WDR89: variants seen among roughly 807,000 people sequenced by gnomAD.
The protein encoded by WDR89 is WD repeat-containing protein 89.
Under a neutral mutation model 29.1 loss-of-function variants are expected in WDR89, and 17 were observed. The ratio of observed to expected loss-of-function variants is 0.58; its 90% CI spans 0.40 to 0.88. The LOEUF (loss-of-function observed/expected upper bound fraction) is 0.88. Among genes scored for constraint, WDR89 ranks in the 40% least tolerant of loss-of-function variants. The pLI, the probability that WDR89 is intolerant of heterozygous loss-of-function variation, is 0.00. For missense variants in WDR89, 396 were observed against 456.3 expected (o/e 0.87, Z 1.20); for synonymous variants, 138 against 157.8 (o/e 0.87, Z 0.94).
chr14:63,604,049 G>T (rs1173360937), intron 2 of WDR89, among the ~76,000 whole-genome samples: 3 of 152,190 alleles, frequency 2.0e-5, no homozygotes, highest in Non-Finnish European at 4.4e-5. Context: ...CCTGCCCAGA[G>T]AGAGTCTCTC....
At chr14:63,625,737 T>C (rs1028126657) in intron 1 of WDR89, among the ~76,000 whole-genome samples, 4 of 152,186 alleles carry the variant, frequency 2.6e-5, no homozygotes, top group Non-Finnish European at 4.4e-5. Context: ...ACAGTAGTTA[T>C]ATTTTAATAA....
Position 63,599,523 on chromosome 14 carries a change from A to G in WDR89, c.420T>C (p.Asp140=). 1 of 1,614,184 alleles carries G rather than the reference A, an allele frequency of 6.2e-7. No homozygotes were observed. Among genetic ancestry groups the G allele is most frequent in the Non-Finnish European group, 8.5e-7 (1 of 1,180,020 alleles). ...ICAGTEKVDD[D]ALLVFWDARM... Reference sequence around the variant, plus strand: ...TTGCATCCCAAAACACCAACAATGCATCATCATCAACTTTTTCTGTACCAG... The same window carrying G: ...TTGCATCCCAAAACACCAACAATGCGTCATCATCAACTTTTTCTGTACCAG... Residue 140 remains aspartate, a synonymous_variant, in exon 3 of 3, where the codon GAT becomes GAC. Coordinates refer to ENST00000620954, the MANE Select transcript of WDR89 (RefSeq NM_080666.4).
intron 1 of WDR89, among the ~76,000 whole-genome samples, chr14:63,639,706 T>C (rs2139587349): frequency 6.6e-6 from 1 of 152,332 alleles, no homozygotes; most frequent in Middle Eastern, 3.4e-3. Context: ...ACTGAAAATG[T>C]AGTTCTTTAA....
intron 1 of WDR89, among the ~76,000 whole-genome samples, chr14:63,631,805 G>A (rs932673562): frequency 7.2e-5 from 11 of 152,142 alleles, no homozygotes; most frequent in East Asian, 1.9e-4. Context: ...ATGACCAAGC[G>A]GAGTTGAGTC....
At chr14:63,633,463 C>A (rs1883535541) in intron 1 of WDR89, among the ~76,000 whole-genome samples, 1 of 152,098 alleles carries the variant, frequency 6.6e-6, no homozygotes, top group African/African-American at 2.4e-5. Context: ...GTAAACATAT[C>A]TCTCAGACAA....
chr14:63,628,511 G>A lies in WDR89; in HGVS notation c.-137-3478C>T, dbSNP rs77676603. On this transcript the variant is annotated intron_variant, in intron 1 of 2. Transcript: ENST00000620954. ...GTAACGTGATGATAATAGATGAGAT[G>A]GGGTCAAGATCTTTTAGATAAGATG... Among the ~76,000 whole-genome samples the A allele has an allele frequency of 5.9e-5, 9 of 152,264 alleles. No individual in the cohort carries two copies. In the East Asian group the frequency reaches 1.7e-3, roughly 29 times the overall value.
At chr14:63,624,387 A>G (rs1036119480) in intron 2 of WDR89, among the ~76,000 whole-genome samples, 1 of 151,138 alleles carries the variant, frequency 6.6e-6, no homozygotes. Context: ...AGGTCACTTT[A>G]GCCCGGGAGG....
rs1009787243 is a variant in WDR89 at position 63,627,790 on chromosome 14, G to GA, written c.-137-2758dup. The stretch of plus-strand genomic sequence containing the variant: ...ATCACTGAATTAAATTTCACTGTAT[G>GA]AAAAAAAAAAAATTCAGCTGGGTAT... On this transcript the variant is annotated intron_variant, in intron 1 of 2. Transcript: ENST00000620954. Among the ~76,000 whole-genome samples the GA allele has an allele frequency of 6.7e-3, 980 of 146,146 alleles. 8 individuals are homozygous for GA. Among genetic ancestry groups the GA allele is most frequent in the African/African-American group, 0.016 (635 of 40,096 alleles).
rs992514213 is a variant in WDR89 at position 63,628,402 on chromosome 14, A to G, written c.-137-3369T>C. Among the ~76,000 whole-genome samples, 16 of 152,328 alleles carry G rather than the reference A, an allele frequency of 1.1e-4. No homozygotes were observed. In the East Asian group the frequency reaches 2.7e-3, roughly 26 times the overall value. On this transcript the variant is annotated intron_variant, in intron 1 of 2. Transcript: ENST00000620954. The stretch of plus-strand genomic sequence containing the variant: ...TATTCTTAGGCTGCAACATTCATTC[A>G]TCATTTCAACTCAGCTATAAAGAAA...
intron 1 of WDR89, chr14:63,641,438 T>A (rs1277419940): frequency 6.6e-6 from 1 of 152,196 alleles, no homozygotes; most frequent in Admixed American, 6.6e-5. Context: ...ACCCTTTTAG[T>A]GGTGGGGAGA....
intron 2 of WDR89, chr14:63,601,913 T>A: frequency 2.0e-6 from 1 of 501,472 alleles, no homozygotes. Flanking sequence ...TTCTCTTTTA[T>A]AATAAACTAA....
rs144242817 is a variant in WDR89 at position 63,638,557 on chromosome 14, A to C, written c.-138+3247T>G. Among the ~76,000 whole-genome samples, 53 of 152,332 alleles carry C rather than the reference A, an allele frequency of 3.5e-4. 1 individual carries two copies. The East Asian group carries it at 8.1e-3, about 23-fold the overall frequency. On this transcript the variant is annotated intron_variant, in intron 1 of 2. Coordinates refer to ENST00000620954, the MANE Select transcript of WDR89 (RefSeq NM_080666.4). ...AAAACTGAATGCAAAAGTCACATAA[A>C]ATTTTAAATTATAAGATTAGAATTC...
At chr14:63,615,997 C>A (rs557858001) in intron 2 of WDR89, among the ~76,000 whole-genome samples, 7 of 151,516 alleles carry the variant, frequency 4.6e-5, no homozygotes, top group African/African-American at 1.7e-4. Context: ...AATGCTAGCA[C>A]TTTGGGAGCC....
chr14:63,635,641 C>T (rs757734246), intron 1 of WDR89, among the ~76,000 whole-genome samples: 9 of 152,084 alleles, frequency 5.9e-5, no homozygotes, highest in South Asian at 2.1e-4. Context: ...AATTAGACAA[C>T]AGAAAGAAAT....
At chr14:63,615,773 A>T (rs1882264937) in intron 2 of WDR89, among the ~76,000 whole-genome samples, 1 of 152,020 alleles carries the variant, frequency 6.6e-6, no homozygotes, top group South Asian at 2.1e-4. Flanking sequence ...AAAATACAAA[A>T]ATTAGCCAGG....
chr14:63,613,065 A>G (rs1882086627), intron 2 of WDR89, among the ~76,000 whole-genome samples: 1 of 152,170 alleles, frequency 6.6e-6, no homozygotes, highest in Non-Finnish European at 1.5e-5. Context: ...TTAAGAGGTA[A>G]TGGGTTTTCT....
At chr14:63,602,772 C>CAAA (rs10638554) in intron 2 of WDR89, among the ~76,000 whole-genome samples, 10 of 101,844 alleles carry the variant, frequency 9.8e-5, no homozygotes, top group African/African-American at 3.2e-4. Flanking sequence ...AACTCCATCT[C>CAAA]AAAAAAAAAA....
chr14:63,641,456 T>C (rs532008412), intron 1 of WDR89: 1 of 152,332 alleles, frequency 6.6e-6, no homozygotes, highest in South Asian at 2.1e-4. Flanking sequence ...AGAGTATCCG[T>C]GGAGAGGAAA....
rs114968844 is a variant in WDR89, at chr14:63,631,804, C to T, written c.-137-6771G>A. On this transcript the variant is annotated intron_variant, in intron 1 of 2. Coordinates refer to ENST00000620954, the MANE Select transcript of WDR89 (RefSeq NM_080666.4). Reference sequence around the variant, plus strand: ...CTGATTCTTGCATTGGATGACCAAGCGGAGTTGAGTCAGAAAGTAAATCCA... The same window carrying T: ...CTGATTCTTGCATTGGATGACCAAGTGGAGTTGAGTCAGAAAGTAAATCCA... Among the ~76,000 whole-genome samples, 882 of 152,206 alleles carry T rather than the reference C, an allele frequency of 5.8e-3. 5 individuals are homozygous for T. Among genetic ancestry groups the T allele is most frequent in the African/African-American group, 0.02 (840 of 41,526 alleles).
Sources: gnomAD v4.1 joint callset for allele counts (sites outside exome capture counted in the v4.1 genomes callset) on GRCh38, gnomAD v4.1.1 for gene constraint, MANE v1.5 for transcripts, NCBI Gene and HGNC (gene_info 2026-07-23, HGNC 2026-07-21) for gene names.